Variants in SGCD observed in about 807,000 individuals in gnomAD.
SGCD encodes the protein sarcoglycan delta.
SGCD carries 18 observed loss-of-function variants against 36.6 expected under a neutral mutation model. That is an observed-to-expected ratio of 0.49 (90% CI 0.34 to 0.73). SGCD has a LOEUF of 0.73. Ranked by LOEUF, SGCD falls within the 30% of genes least tolerant of loss-of-function variation. SGCD has a pLI of 0.01. For missense variants in SGCD, 387 were observed against 346.7 expected (o/e 1.12, Z -0.92); for synonymous variants, 133 against 130.6 (o/e 1.02, Z -0.12).
intron 1 of SGCD, among the ~76,000 whole-genome samples, chr5:156,038,673 A>G (rs1759558185): frequency 6.6e-6 from 1 of 152,158 alleles, no homozygotes; most frequent in Admixed American, 6.6e-5. Context: ...AAATTTACAG[A>G]GGCAACATGG....
chr5:156,356,726 G>A (rs953252563), intron 3 of SGCD, among the ~76,000 whole-genome samples: 6 of 152,026 alleles, frequency 3.9e-5, no homozygotes, highest in Admixed American at 1.3e-4. Flanking sequence ...TACCTTATTT[G>A]GAAAAAGGGT....
intron 1 of SGCD, among the ~76,000 whole-genome samples, chr5:156,009,285 G>T (rs1758811954): frequency 6.6e-6 from 1 of 152,130 alleles, no homozygotes; most frequent in Non-Finnish European, 1.5e-5. Context: ...AAAGAACCAG[G>T]TTTACAAATT....
chr5:156,607,770 T>G (rs1384557620), intron 6 of SGCD, among the ~76,000 whole-genome samples: 1 of 152,222 alleles, frequency 6.6e-6, no homozygotes, highest in South Asian at 2.1e-4. Context: ...TGGTTTAGTC[T>G]TGGGAGGGTG....
Position 156,344,474 on chromosome 5 carries a change from C to T in SGCD, c.4-15C>T. 1.3e-6 allele frequency: 2 copies of T among 1,537,858 alleles called. No homozygotes were observed. Among genetic ancestry groups the T allele is most frequent in the East Asian group, 2.5e-5 (1 of 40,428 alleles). On this transcript the variant is annotated splice_polypyrimidine_tract_variant and intron_variant, in intron 2 of 8. Coordinates refer to ENST00000337851, the MANE Select transcript of SGCD (RefSeq NM_000337.6). ...GTTTAATGTGAGTGCTTCTCTCTTG[C>T]CTCGTTTATTTCAGATGCCTCAGGA... is the stretch of plus-strand genomic sequence containing the variant.
chr5:156,606,131 C>T (rs1036876362), intron 6 of SGCD, among the ~76,000 whole-genome samples: 3 of 152,080 alleles, frequency 2.0e-5, no homozygotes, highest in African/African-American at 4.8e-5. Context: ...ATGCCTATGT[C>T]CTGAATGGTA....
intron 2 of SGCD, among the ~76,000 whole-genome samples, chr5:156,339,995 T>C (rs1768562643): frequency 6.6e-6 from 1 of 152,222 alleles, no homozygotes; most frequent in Non-Finnish European, 1.5e-5. Flanking sequence ...ATTATTTTTA[T>C]GGCAATTTTG....
intron 7 of SGCD, among the ~76,000 whole-genome samples, chr5:156,718,565 A>T (rs895872686): frequency 9.9e-5 from 15 of 152,062 alleles, no homozygotes; most frequent in Non-Finnish European, 2.1e-4. Flanking sequence ...GGATCACTGG[A>T]GCCCAGGAGT....
intron 3 of SGCD, among the ~76,000 whole-genome samples, chr5:156,164,022 C>CA (rs1212346034): frequency 0.024 from 1,377 of 57,882 alleles, 34 homozygotes; most frequent in African/African-American, 0.059. Context: ...GACTCTGTCT[C>CA]AAAAAAAAAA....
At chr5:156,728,708 A>G (rs756172487) in intron 7 of SGCD, among the ~76,000 whole-genome samples, 1 of 151,756 alleles carries the variant, frequency 6.6e-6, no homozygotes, top group Non-Finnish European at 1.5e-5. Context: ...TTAGAGTAGC[A>G]TTTTTTTCAA....
chr5:156,203,147 A>C (rs539088340), intron 3 of SGCD, among the ~76,000 whole-genome samples: 2 of 152,106 alleles, frequency 1.3e-5, no homozygotes, highest in Non-Finnish European at 1.5e-5. Flanking sequence ...TATAATTTGG[A>C]ATGCAAATCC....
intron 1 of SGCD, among the ~76,000 whole-genome samples, chr5:155,910,985 A>G (rs893722079): frequency 3.9e-5 from 6 of 152,230 alleles, no homozygotes; most frequent in Non-Finnish European, 7.4e-5. Flanking sequence ...TGCTTGTTCT[A>G]TCACAGAGCC....
intron 3 of SGCD, among the ~76,000 whole-genome samples, chr5:156,191,282 A>G (rs1450002862): frequency 2.0e-5 from 3 of 152,136 alleles, no homozygotes; most frequent in Admixed American, 1.3e-4. Flanking sequence ...TCAAAGTATA[A>G]TTCCAGTTCC....
chr5:156,522,748 A>G (rs77495451), intron 4 of SGCD, among the ~76,000 whole-genome samples: 7 of 143,860 alleles, frequency 4.9e-5, no homozygotes, highest in Non-Finnish European at 1.1e-4. Flanking sequence ...AAAAAAAAAA[A>G]GACAACCCCA....
At chr5:156,038,981 C>A (rs1419562921) in intron 1 of SGCD, among the ~76,000 whole-genome samples, 1 of 152,158 alleles carries the variant, frequency 6.6e-6, no homozygotes, top group Non-Finnish European at 1.5e-5. Context: ...TGCTTGCTCG[C>A]TCTTCAATTC....
Position 156,696,915 on chromosome 5 carries a change from A to AACAC in SGCD, c.575+49424_575+49427dup, listed in dbSNP as rs57963416. Among the ~76,000 whole-genome samples the AACAC allele has an allele frequency of 3.9e-3, 561 of 145,154 alleles. 7 individuals carry two copies. The highest frequency in any genetic ancestry group is 8.5e-3 in the African/African-American group (333 of 39,040). ...TTCTCTCCCCATCATCCTTACACAC[A>AACAC]ACACACACACACACACACACACACA... is the stretch of plus-strand genomic sequence containing the variant. On this transcript the variant is annotated intron_variant, in intron 7 of 8. Coordinates refer to ENST00000337851, the MANE Select transcript of SGCD (RefSeq NM_000337.6).
At chr5:156,187,308 T>G (rs1763785678) in intron 3 of SGCD, among the ~76,000 whole-genome samples, 1 of 152,098 alleles carries the variant, frequency 6.6e-6, no homozygotes, top group African/African-American at 2.4e-5. Context: ...GAAATGGATA[T>G]GATTTTAATA....
intron 1 of SGCD, among the ~76,000 whole-genome samples, chr5:155,942,253 T>C (rs1249986596): frequency 6.6e-6 from 1 of 152,172 alleles, no homozygotes; most frequent in Non-Finnish European, 1.5e-5. Context: ...AAGTTTTGTT[T>C]TTATAGCATT....
chr5:155,912,586 T>G, intron 1 of SGCD, among the ~76,000 whole-genome samples: 1 of 152,136 alleles, frequency 6.6e-6, no homozygotes, highest in East Asian at 1.9e-4. Flanking sequence ...ATTTTTTGTG[T>G]GTGTGGCTGT....
At chr5:156,328,466 TGC>T (rs1767915364) in intron 1 of SGCD, among the ~76,000 whole-genome samples, 1 of 152,104 alleles carries the variant, frequency 6.6e-6, no homozygotes, top group African/African-American at 2.4e-5. Flanking sequence ...ACAACAGGTG[TGC>T]ATTTACTTGT....
Sources: gnomAD v4.1 joint callset for allele counts (sites outside exome capture counted in the v4.1 genomes callset) on GRCh38, gnomAD v4.1.1 for gene constraint, MANE v1.5 for transcripts, NCBI Gene and HGNC (gene_info 2026-07-23, HGNC 2026-07-21) for gene names.